The following KIAA1217 variants were observed in gnomAD, a reference collection of about 807,000 sequenced individuals.
The protein encoded by KIAA1217 is sickle tail protein homolog.
A neutral mutation model predicts 163.9 loss-of-function variants in KIAA1217; 88 were observed. The observed-to-expected ratio is 0.54, with a 90% CI of 0.45 to 0.64. KIAA1217 has a LOEUF of 0.64. Ranked by LOEUF, KIAA1217 falls within the 30% of genes least tolerant of loss-of-function variation. KIAA1217 has a pLI of 0.00. For missense variants in KIAA1217, 2,372 were observed against 2,475.0 expected (o/e 0.96, Z 0.88); for synonymous variants, 903 against 923.1 (o/e 0.98, Z 0.39).
intron 1 of KIAA1217, among the ~76,000 whole-genome samples, chr10:23,998,180 A>G (rs1245003787): frequency 6.6e-6 from 1 of 152,172 alleles, no homozygotes; most frequent in Non-Finnish European, 1.5e-5. Flanking sequence ...AACCTTAGCA[A>G]AGTCTTCAAA....
intron 1 of KIAA1217, among the ~76,000 whole-genome samples, chr10:23,902,494 G>T (rs1004691448): frequency 6.6e-5 from 10 of 152,078 alleles, no homozygotes; most frequent in African/African-American, 2.4e-4. Context: ...CTCAGGCAAA[G>T]CTTCTTGTTT....
chr10:24,089,495 G>A lies in KIAA1217; in HGVS notation c.-171+82121G>A, dbSNP rs1326795736. Among the ~76,000 whole-genome samples the A allele has an allele frequency of 2.6e-5, 2 of 78,320 alleles. 1 individual carries two copies. Among genetic ancestry groups the A allele is most frequent in the Non-Finnish European group, 9.0e-5 (2 of 22,326 alleles). The allele number at this position is 78,320 out of a possible 152,430, so 51.4% of individuals were successfully genotyped here. A position where few individuals can be genotyped will look rare whatever the true frequency, so the allele number is the denominator to read the frequency against. On this transcript the variant is annotated intron_variant, in intron 2 of 18. Transcript: ENST00000376462. ...GTATAAGGTGTAAGGAAGGGATCCA[G>A]TTTCAGCTTTCTACATGTGGCTAGC...
chr10:23,934,092 G>A (rs1173827515), intron 1 of KIAA1217, among the ~76,000 whole-genome samples: 1 of 152,120 alleles, frequency 6.6e-6, no homozygotes, highest in Non-Finnish European at 1.5e-5. Context: ...TGCTGCATAT[G>A]TTTACTACAG....
intron 2 of KIAA1217, among the ~76,000 whole-genome samples, chr10:24,325,073 C>T (rs889616655): frequency 6.6e-6 from 1 of 152,206 alleles, no homozygotes; most frequent in Non-Finnish European, 1.5e-5. Flanking sequence ...CCTAGAAACT[C>T]TCACTTCTAC....
chr10:24,333,843 T>C (rs2045995159), intron 2 of KIAA1217, among the ~76,000 whole-genome samples: 1 of 152,254 alleles, frequency 6.6e-6, no homozygotes, highest in Non-Finnish European at 1.5e-5. Flanking sequence ...TTGAATTCAG[T>C]GTGGAAAAAT....
chr10:24,482,289 C>T (rs1026955454), intron 6 of KIAA1217: 1 of 152,208 alleles, frequency 6.6e-6, no homozygotes, highest in Non-Finnish European at 1.5e-5. Context: ...TTTGAATATT[C>T]ATGAGGTGCT....
chr10:24,346,593 G>A (rs28393209), intron 2 of KIAA1217, among the ~76,000 whole-genome samples: 60,948 of 116,932 alleles, frequency 0.52, 16,603 homozygotes, highest in Middle Eastern at 0.67. Flanking sequence ...TTTTTTGGAG[G>A]CAGAGTCTTG....
At chr10:24,152,883 G>C (rs920640136) in intron 2 of KIAA1217, among the ~76,000 whole-genome samples, 6 of 152,058 alleles carry the variant, frequency 3.9e-5, no homozygotes, top group African/African-American at 1.4e-4. Flanking sequence ...CTTTAATCAG[G>C]AATACATAAG....
intron 2 of KIAA1217, among the ~76,000 whole-genome samples, chr10:24,137,369 G>A (rs1290171035): frequency 2.6e-5 from 4 of 152,198 alleles, no homozygotes; most frequent in African/African-American, 9.6e-5. Flanking sequence ...CAGTTTTGCA[G>A]CAGGGCATCC....
At chr10:24,504,499 A>G (rs1038085399) in intron 9 of KIAA1217, among the ~76,000 whole-genome samples, 1 of 152,222 alleles carries the variant, frequency 6.6e-6, no homozygotes, top group Non-Finnish European at 1.5e-5. Flanking sequence ...TAATTAAGCT[A>G]TCTCGGCACC....
intron 1 of KIAA1217, among the ~76,000 whole-genome samples, chr10:23,880,306 A>G (rs1438104883): frequency 6.6e-6 from 1 of 151,976 alleles, no homozygotes; most frequent in African/African-American, 2.4e-5. Context: ...AACAACATGG[A>G]TGGAACTGGA....
At chr10:24,277,180 T>C (rs1009322401) in intron 2 of KIAA1217, among the ~76,000 whole-genome samples, 1 of 152,268 alleles carries the variant, frequency 6.6e-6, no homozygotes, top group Admixed American at 6.5e-5. Flanking sequence ...TCTGGCCTGA[T>C]TGGAAGGTGG....
intron 3 of KIAA1217, 61 bp downstream of exon 3, chr10:24,381,128 T>C: frequency 8.1e-7 from 1 of 1,236,736 alleles, no homozygotes; most frequent in Non-Finnish European, 1.1e-6. Flanking sequence ...GTTGTTATAC[T>C]ACTGAACCTA....
At chr10:24,123,595 G>A (rs1052416027) in intron 2 of KIAA1217, among the ~76,000 whole-genome samples, 1 of 152,048 alleles carries the variant, frequency 6.6e-6, no homozygotes, top group Non-Finnish European at 1.5e-5. Context: ...TTTGATTATG[G>A]AGCAGTAGTT....
rs140931441 is a variant in KIAA1217 at position 23,762,015 on chromosome 10, A to G, written c.-321+66781A>G. On this transcript the variant is annotated intron_variant, in intron 1 of 18. Transcript: ENST00000376462. The stretch of plus-strand genomic sequence containing the variant: ...ACTAGAACATCTAGAAGAAATGGAT[A>G]AATTCCTGGACACATACACACTCCC... 2.4e-3 allele frequency among the ~76,000 whole-genome samples: 365 copies of G among 152,320 alleles called. 2 individuals carry two copies. The highest frequency in any genetic ancestry group is 3.6e-3 in the Non-Finnish European group (244 of 68,022).
chr10:23,763,353 C>T (rs1275709383), intron 1 of KIAA1217, among the ~76,000 whole-genome samples: 1 of 152,218 alleles, frequency 6.6e-6, no homozygotes, highest in Non-Finnish European at 1.5e-5. Flanking sequence ...CACTACCTGA[C>T]TTCAAACTAT....
chr10:24,105,484 G>C (rs930269277), intron 2 of KIAA1217, among the ~76,000 whole-genome samples: 1 of 152,170 alleles, frequency 6.6e-6, no homozygotes, highest in African/African-American at 2.4e-5. Flanking sequence ...CCTAACAGCA[G>C]TGAGCTGAGC....
At chr10:24,048,485 C>T (rs1296420072) in intron 2 of KIAA1217, among the ~76,000 whole-genome samples, 1 of 152,192 alleles carries the variant, frequency 6.6e-6, no homozygotes, top group African/African-American at 2.4e-5. Flanking sequence ...AATCCCAGCA[C>T]CTTGGGAGGC....
intron 2 of KIAA1217, among the ~76,000 whole-genome samples, chr10:24,074,813 C>A (rs147927715): frequency 1.3e-5 from 2 of 151,676 alleles, no homozygotes; most frequent in African/African-American, 4.8e-5. Context: ...TGATCCCCCA[C>A]CTCAGCCCCC....
Sources: allele counts gnomAD v4.1 joint callset (sites outside exome capture counted in the v4.1 genomes callset), GRCh38; gene constraint gnomAD v4.1.1; transcripts MANE v1.5; gene names NCBI Gene and HGNC (gene_info 2026-07-23, HGNC 2026-07-21).